The following UBN2 variants were observed in gnomAD, a reference collection of about 807,000 sequenced individuals.
UBN2 encodes the protein ubinuclein 2.
A neutral mutation model predicts 120.2 loss-of-function variants in UBN2; 35 were observed. The observed-to-expected ratio is 0.29, with a 90% CI of 0.22 to 0.39. The LOEUF is 0.39. Ranked by LOEUF, UBN2 falls within the 10% of genes least tolerant of loss-of-function variation. The pLI is 1.00. For missense variants in UBN2, 1,693 were observed against 1,663.2 expected, an observed-to-expected ratio of 1.02 and a Z score of -0.31; for synonymous variants, 661 against 648.7, an observed-to-expected ratio of 1.02 and a Z score of -0.29.
chr7:139,241,666 T>C (rs1451628095), intron 2 of UBN2, among the ~76,000 whole-genome samples: 1 of 152,168 alleles, frequency 6.6e-6, no homozygotes, highest in African/African-American at 2.4e-5. Flanking sequence ...CTAAATACTC[T>C]TGATTTTCTT....
rs1188196814 is a variant in UBN2 at position 139,306,135 on chromosome 7, T to C, written c.*8299T>C. On this transcript the variant is annotated 3_prime_UTR_variant, in exon 18 of 18. Transcript: ENST00000473989. ...ACCCAAGATAACATGGAAATACTTCTGTTTTTGAAGTTAACAACACCGTCT... is the reference window on the plus strand; with the variant it reads ...ACCCAAGATAACATGGAAATACTTCCGTTTTTGAAGTTAACAACACCGTCT... 3 of 152,240 alleles carry C rather than the reference T, an allele frequency of 2.0e-5. No homozygotes were observed. The highest frequency in any genetic ancestry group is 7.2e-5 in the African/African-American group (3 of 41,460). 9.4% of individuals were successfully genotyped at this position (152,240 alleles called of 1,614,324 possible).
downstream of UBN2, among the ~76,000 whole-genome samples, chr7:139,311,444 G>T (rs1011805294): frequency 6.6e-6 from 1 of 152,188 alleles, no homozygotes; most frequent in African/African-American, 2.4e-5. Context: ...CAGACAGACG[G>T]GTTCACAAGA....
chr7:139,325,697 G>C, the UBN2 span, among the ~76,000 whole-genome samples: 1 of 152,184 alleles, frequency 6.6e-6, no homozygotes, highest in Non-Finnish European at 1.5e-5. Context: ...TCTCCCCCCA[G>C]TTATGGTAGC....
the UBN2 span, among the ~76,000 whole-genome samples, chr7:139,329,860 T>C: frequency 6.6e-6 from 1 of 151,942 alleles, no homozygotes; most frequent in Non-Finnish European, 1.5e-5. Context: ...CTAACATAAC[T>C]GGAAAAGAAA....
intron 15 of UBN2, among the ~76,000 whole-genome samples, chr7:139,287,723 T>C (rs1797831881): frequency 6.6e-6 from 1 of 151,236 alleles, no homozygotes; most frequent in Non-Finnish European, 1.5e-5. Context: ...GATTAATAAT[T>C]GAATAAGGTC....
At chr7:139,280,865 C>CGA (rs2131029503) in intron 13 of UBN2, among the ~76,000 whole-genome samples, 1 of 152,316 alleles carries the variant, frequency 6.6e-6, no homozygotes, top group African/African-American at 2.4e-5. Flanking sequence ...AGGCTGCTCT[C>CGA]TAACTCCTGA....
chr7:139,285,062 G>A (rs1489289700), intron 15 of UBN2, among the ~76,000 whole-genome samples: 3 of 151,576 alleles, frequency 2.0e-5, no homozygotes, highest in South Asian at 2.1e-4. Context: ...TTATCTTCTC[G>A]AAATTTTTAT....
intron 3 of UBN2, among the ~76,000 whole-genome samples, chr7:139,257,663 G>C (rs1409610892): frequency 6.6e-6 from 1 of 151,898 alleles, no homozygotes; most frequent in Non-Finnish European, 1.5e-5. Context: ...TGATCCACCT[G>C]CCTTGGCCTC....
intron 5 of UBN2, among the ~76,000 whole-genome samples, chr7:139,260,564 G>T (rs1796899235): frequency 6.6e-6 from 1 of 152,096 alleles, no homozygotes; most frequent in Non-Finnish European, 1.5e-5. Context: ...GCTTGTGAGA[G>T]GCTGAATTTT....
At chr7:139,290,402 A>C (rs76451326) in intron 15 of UBN2, among the ~76,000 whole-genome samples, 12,503 of 152,280 alleles carry the variant, frequency 0.082, 901 homozygotes, top group Admixed American at 0.21. Flanking sequence ...AGGTTCAAAC[A>C]TGGAGTGGTG....
In UBN2 at chr7:139,305,017, C is replaced by T. The variant is rs145640271; in HGVS notation, c.*7181C>T. The T allele has an allele frequency of 6.6e-6, 1 of 152,090 alleles. No homozygotes were observed. Among genetic ancestry groups the T allele is most frequent in the Non-Finnish European group, 1.5e-5 (1 of 68,024 alleles). 9.4% of individuals were successfully genotyped at this position (152,090 alleles called of 1,614,324 possible). Reference sequence around the variant, plus strand: ...TGTGAACTCTGTATTCAAAAACTATCTACAGATGCTTTCACTGGTGCAAAG... The same window carrying T: ...TGTGAACTCTGTATTCAAAAACTATTTACAGATGCTTTCACTGGTGCAAAG... On this transcript the variant is annotated 3_prime_UTR_variant, in exon 18 of 18. Transcript: ENST00000473989.
At chr7:139,287,212 G>T (rs967686894) in intron 15 of UBN2, among the ~76,000 whole-genome samples, 31 of 152,212 alleles carry the variant, frequency 2.0e-4, no homozygotes, top group African/African-American at 5.5e-4. Flanking sequence ...TAAGTGAAAA[G>T]ATAGCATAAA....
intron 15 of UBN2, among the ~76,000 whole-genome samples, chr7:139,291,013 G>A (rs1327306779): frequency 1.3e-5 from 2 of 152,124 alleles, no homozygotes; most frequent in East Asian, 3.8e-4. Flanking sequence ...ACTGGAAAGA[G>A]CTAACATTCA....
the UBN2 span, among the ~76,000 whole-genome samples, chr7:139,322,760 G>T: frequency 6.6e-6 from 1 of 151,560 alleles, no homozygotes; most frequent in Non-Finnish European, 1.5e-5. Context: ...TCTCAGTCTC[G>T]ATCTCCTGAC....
Position 139,231,351 on chromosome 7 carries a change from G to A in UBN2, c.-134G>A. 1.4e-6 allele frequency: 1 copy of A among 712,294 alleles called. No homozygotes were observed. The highest frequency in any genetic ancestry group is 2.0e-6 in the Non-Finnish European group (1 of 512,648). The allele number at this position is 712,294 out of a possible 1,614,324, so 44.1% of individuals were successfully genotyped here. ...GGGGACACGGTCCGCACTCACCGTG[G>A]CGCCGGCGGAGACGGCTGAGGGTGG... On this transcript the variant is annotated 5_prime_UTR_variant, in exon 1 of 18. Transcript: ENST00000473989.
intron 6 of UBN2, among the ~76,000 whole-genome samples, chr7:139,265,457 G>A (rs557596120): frequency 2.0e-5 from 3 of 152,100 alleles, no homozygotes; most frequent in South Asian, 2.1e-4. Context: ...CAGCCTGGGC[G>A]ACAGAGTAAG....
chr7:139,266,439 A>C, intron 7 of UBN2, 36 bp downstream of exon 7: 1 of 1,269,588 alleles, frequency 7.9e-7, no homozygotes, highest in Non-Finnish European at 1.1e-6. Flanking sequence ...AACCTTAAGA[A>C]TGATACATTA....
At chr7:139,316,191 A>G in the UBN2 span, among the ~76,000 whole-genome samples, 1 of 150,538 alleles carries the variant, frequency 6.6e-6, no homozygotes, top group African/African-American at 2.4e-5. Context: ...AGTAGGTATA[A>G]GTGGTATCTT....
chr7:139,330,117 C>T, the UBN2 span, among the ~76,000 whole-genome samples: 7 of 152,156 alleles, frequency 4.6e-5, no homozygotes, highest in Non-Finnish European at 8.8e-5. Context: ...GAAGCCCTTA[C>T]AACACCTGTC....
Sources: gnomAD v4.1 joint callset for allele counts (sites outside exome capture counted in the v4.1 genomes callset) on GRCh38, gnomAD v4.1.1 for gene constraint, MANE v1.5 for transcripts, NCBI Gene and HGNC (gene_info 2026-07-23, HGNC 2026-07-21) for gene names.